The following TOX variants were observed in gnomAD, a reference collection of about 807,000 sequenced individuals.
TOX encodes thymocyte selection associated high mobility group box.
A neutral mutation model predicts 53.7 loss-of-function variants in TOX; 11 were observed. That is an observed-to-expected ratio of 0.20 (90% CI 0.13 to 0.34). TOX has a LOEUF of 0.34. TOX is among the 10% of genes least tolerant of loss of function. The pLI, the probability that TOX is intolerant of heterozygous loss-of-function variation, is 1.00. For synonymous variants in TOX, 225 were observed against 245.3 expected (o/e 0.92, Z 0.77); for missense variants, 570 against 664.6 (o/e 0.86, Z 1.56).
intron 2 of TOX, among the ~76,000 whole-genome samples, chr8:58,956,042 A>T (rs922244735): frequency 4.6e-5 from 7 of 152,066 alleles, no homozygotes; most frequent in African/African-American, 1.7e-4. Flanking sequence ...GCAGAAGAGG[A>T]CATTCTTGAA....
At chr8:58,915,154 T>A (rs1811988782) in intron 3 of TOX, among the ~76,000 whole-genome samples, 1 of 151,638 alleles carries the variant, frequency 6.6e-6, no homozygotes, top group Admixed American at 6.5e-5. Flanking sequence ...CAGGCTTGCT[T>A]AGGTAAACAA....
rs919186174 is a variant in TOX, at chr8:59,046,467, T to G, written c.102+72419A>C. ...AATTTCAGAGAACTAAATAATAACCTAGGTGTTAATGAAAATCAGGATTGC... is the reference window on the plus strand; with the variant it reads ...AATTTCAGAGAACTAAATAATAACCGAGGTGTTAATGAAAATCAGGATTGC... On this transcript the variant is annotated intron_variant, in intron 1 of 8. Transcript: ENST00000361421. Among the ~76,000 whole-genome samples the G allele has an allele frequency of 3.3e-5, 5 of 152,310 alleles. No homozygotes were observed. The East Asian group carries it at 9.6e-4, about 29-fold the overall frequency.
At chr8:58,960,469 A>C (rs751420381) in intron 1 of TOX, among the ~76,000 whole-genome samples, 2 of 152,172 alleles carry the variant, frequency 1.3e-5, no homozygotes, top group Admixed American at 6.5e-5. Context: ...GAGTTTTCAT[A>C]ATAGACTAAA....
intron 3 of TOX, among the ~76,000 whole-genome samples, chr8:58,881,802 C>T (rs192899309): frequency 6.1e-4 from 93 of 151,616 alleles, no homozygotes; most frequent in African/African-American, 2.2e-3. Context: ...CACACCAAGC[C>T]GCAGTATCAG....
intron 1 of TOX, among the ~76,000 whole-genome samples, chr8:59,079,828 C>A (rs1804367715): frequency 6.6e-6 from 1 of 152,124 alleles, no homozygotes; most frequent in South Asian, 2.1e-4. Flanking sequence ...CACTCTGAGC[C>A]TGGAAAAGCC....
chr8:59,069,894 C>T (rs1804162957), intron 1 of TOX, among the ~76,000 whole-genome samples: 1 of 152,022 alleles, frequency 6.6e-6, no homozygotes, highest in Non-Finnish European at 1.5e-5. Context: ...CGAGAAGGGC[C>T]TAAGAAGTGT....
chr8:58,833,779 C>T (rs1052172207), intron 5 of TOX, among the ~76,000 whole-genome samples: 12 of 152,188 alleles, frequency 7.9e-5, no homozygotes, highest in African/African-American at 2.9e-4. Flanking sequence ...CACAATTCTG[C>T]TCCCATTCCA....
chr8:59,082,076 T>C (rs879800306), intron 1 of TOX, among the ~76,000 whole-genome samples: 40 of 152,360 alleles, frequency 2.6e-4, no homozygotes, highest in African/African-American at 6.7e-4. Flanking sequence ...TTTAGTTGTG[T>C]TGATCTTGCC....
chr8:59,028,749 A>G (rs1455834204), intron 1 of TOX, among the ~76,000 whole-genome samples: 1 of 152,186 alleles, frequency 6.6e-6, no homozygotes, highest in East Asian at 1.9e-4. Context: ...TTTTCAAACA[A>G]TAGCAGATTT....
chr8:59,025,653 T>C (rs1814221887), intron 1 of TOX, among the ~76,000 whole-genome samples: 1 of 152,130 alleles, frequency 6.6e-6, no homozygotes, highest in Non-Finnish European at 1.5e-5. Context: ...CTCCCCCTAG[T>C]CTCTCAATCG....
chr8:59,046,694 C>T (rs1386615444), intron 1 of TOX, among the ~76,000 whole-genome samples: 1 of 151,604 alleles, frequency 6.6e-6, no homozygotes, highest in Admixed American at 6.6e-5. Context: ...TCCACCTCTA[C>T]TAAAAATACA....
chr8:59,109,304 G>A (rs1321507360), intron 1 of TOX, among the ~76,000 whole-genome samples: 1 of 152,086 alleles, frequency 6.6e-6, no homozygotes, highest in Non-Finnish European at 1.5e-5. Flanking sequence ...CATGTTTATG[G>A]GAGAAGATTA....
intron 1 of TOX, among the ~76,000 whole-genome samples, chr8:59,048,912 A>T (rs1276046981): frequency 1.3e-5 from 2 of 152,206 alleles, no homozygotes; most frequent in Non-Finnish European, 2.9e-5. Flanking sequence ...AGCATAAGAG[A>T]TATTAATATA....
chr8:59,012,328 T>C (rs1813922115), intron 1 of TOX, among the ~76,000 whole-genome samples: 2 of 151,962 alleles, frequency 1.3e-5, no homozygotes, highest in African/African-American at 4.8e-5. Flanking sequence ...AGCAATAAGT[T>C]TGAGGTGCAC....
chr8:59,047,077 A>AAG (rs1224236100), intron 1 of TOX, among the ~76,000 whole-genome samples: 1 of 152,026 alleles, frequency 6.6e-6, no homozygotes, highest in Non-Finnish European at 1.5e-5. Flanking sequence ...GGAGAAAGGG[A>AAG]AGAAGCAAGC....
chr8:58,949,318 T>C (rs574503366), intron 2 of TOX, among the ~76,000 whole-genome samples: 1 of 152,360 alleles, frequency 6.6e-6, no homozygotes, highest in East Asian at 1.9e-4. Flanking sequence ...TTGCATTGCA[T>C]TCATGTTCTT....
chr8:59,053,721 G>A (rs537760456), intron 1 of TOX, among the ~76,000 whole-genome samples: 105 of 152,162 alleles, frequency 6.9e-4, no homozygotes, highest in African/African-American at 2.5e-3. Flanking sequence ...TGCTATTTAA[G>A]GATTTAGGCC....
chr8:59,060,893 C>T (rs936588504), intron 1 of TOX, among the ~76,000 whole-genome samples: 2 of 152,126 alleles, frequency 1.3e-5, no homozygotes, highest in East Asian at 1.9e-4. Context: ...TAGAGTGGAA[C>T]ATTAAGCCAC....
intron 3 of TOX, among the ~76,000 whole-genome samples, chr8:58,894,958 G>T (rs1811617235): frequency 6.6e-6 from 1 of 151,990 alleles, no homozygotes; most frequent in African/African-American, 2.4e-5. Context: ...GGGAGGCGGA[G>T]GCAGGGGGAT....
Sources: allele counts gnomAD v4.1 joint callset (sites outside exome capture counted in the v4.1 genomes callset), GRCh38; gene constraint gnomAD v4.1.1; transcripts MANE v1.5; gene names NCBI Gene and HGNC (gene_info 2026-07-23, HGNC 2026-07-21).